The following LRCH3 variants were observed in gnomAD, a reference collection of about 807,000 sequenced individuals.
The protein encoded by LRCH3 is leucine rich repeats and calponin homology domain containing 3.
A neutral mutation model predicts 104.5 loss-of-function variants in LRCH3; 68 were observed. The observed-to-expected ratio is 0.65, with a 90% CI of 0.54 to 0.80. The LOEUF (loss-of-function observed/expected upper bound fraction) is 0.80, where lower values mean the gene tolerates loss of function less well. LRCH3 is among the 30% of genes least tolerant of loss of function. The probability of loss-of-function intolerance (pLI) is 0.00; values close to 1 mark genes in which losing one functional copy is unlikely to be tolerated. For synonymous variants in LRCH3, 344 were observed against 361.3 expected (o/e 0.95, Z 0.54); for missense variants, 951 against 953.9 (o/e 1.00, Z 0.04).
chr3:197,859,452 T>C (rs73892151), intron 15 of LRCH3: 26,699 of 153,154 alleles, frequency 0.17, 3,261 homozygotes, highest in African/African-American at 0.34. Context: ...CTAAAATATG[T>C]ACAGTCTGGC....
At chr3:197,808,190 G>GGA (rs1274736964) in intron 1 of LRCH3, among the ~76,000 whole-genome samples, 1 of 152,168 alleles carries the variant, frequency 6.6e-6, no homozygotes, top group East Asian at 1.9e-4. Flanking sequence ...CCCTGTGAGA[G>GGA]GAGATTAGGA....
intron 1 of LRCH3, among the ~76,000 whole-genome samples, chr3:197,798,234 A>G (rs576769347): frequency 3.6e-4 from 55 of 152,236 alleles, no homozygotes; most frequent in African/African-American, 1.2e-3. Context: ...GCTCTCCAGT[A>G]TGGGCAACAG....
intron 20 of LRCH3, among the ~76,000 whole-genome samples, chr3:197,879,508 T>C (rs4525915): frequency 0.15 from 23,161 of 150,574 alleles, 1,996 homozygotes; most frequent in African/African-American, 0.18. Context: ...TAGCCGGGCG[T>C]GGTGGCGGGC....
At chr3:197,813,093 A>C (rs547309251) in intron 1 of LRCH3, among the ~76,000 whole-genome samples, 1 of 152,244 alleles carries the variant, frequency 6.6e-6, no homozygotes, top group South Asian at 2.1e-4. Flanking sequence ...ATAGTTTTTT[A>C]AATTTCTTTG....
At chr3:197,865,953 G>A (rs940210148) in intron 16 of LRCH3, among the ~76,000 whole-genome samples, 159 bp from the exon 17 acceptor site, 2 of 151,830 alleles carry the variant, frequency 1.3e-5, no homozygotes. Context: ...CGGTCCTCCT[G>A]GTTTCATGAT....
rs1714249610 is a variant in LRCH3 at position 197,886,985 on chromosome 3, T to C, written c.*3319T>C. On this transcript the variant is annotated 3_prime_UTR_variant, in exon 21 of 21. Transcript: ENST00000425562. ...TTATGAAACCTTATTAATGTATTTT[T>C]ATCAAACTAAATCAGATTTGTATTT... is the stretch of plus-strand genomic sequence containing the variant. 1.3e-5 allele frequency: 2 copies of C among 152,194 alleles called. No homozygotes were observed. The highest frequency in any genetic ancestry group is 4.8e-5 in the African/African-American group (2 of 41,448). The allele number at this position is 152,194 out of a possible 1,614,324, so 9.4% of individuals were successfully genotyped here. A position where few individuals can be genotyped will look rare whatever the true frequency, so the allele number is the denominator to read the frequency against.
At position 197,847,877 on chromosome 3, in the gene LRCH3, A is replaced by C. The variant is rs1480923741; in HGVS notation, c.1386A>C (p.Ser462=). The change falls in exon 12 of 21, where the codon TCA becomes TCC. Residue 462 remains serine, a synonymous_variant. Transcript: ENST00000425562. Reference sequence around the variant, plus strand: ...CAATAACGCTTTGGTTCCAGCTGTCACACACAGACCTGGAACTTCATCAGA... The same window carrying C: ...CAATAACGCTTTGGTTCCAGCTGTCCCACACAGACCTGGAACTTCATCAGA... The part of the protein sequence containing the change: ...LSLSASHNQL[S]HTDLELHQRR... 2.5e-6 allele frequency: 4 copies of C among 1,613,978 alleles called. No homozygotes were observed. Among genetic ancestry groups the C allele is most frequent in the Non-Finnish European group, 2.5e-6 (3 of 1,179,942 alleles).
chr3:197,800,963 C>T (rs1040298203), intron 1 of LRCH3, among the ~76,000 whole-genome samples: 12 of 151,792 alleles, frequency 7.9e-5, no homozygotes, highest in East Asian at 7.7e-4. Context: ...GGTGTGGTGG[C>T]GGGCGCCTGT....
At chr3:197,827,048 G>T (rs527657674) in intron 5 of LRCH3, 34 bp downstream of exon 5, 1 of 1,600,122 alleles carries the variant, frequency 6.2e-7, no homozygotes, top group South Asian at 1.1e-5. Flanking sequence ...GTAAACCATG[G>T]TGGAAGCATC....
chr3:197,812,562 A>C (rs1166866320), intron 1 of LRCH3, among the ~76,000 whole-genome samples: 1 of 115,560 alleles, frequency 8.7e-6, no homozygotes, highest in Non-Finnish European at 1.6e-5. Flanking sequence ...CCCAAGCTGG[A>C]GTGTAGTGGC....
At chr3:197,802,252 T>A (rs1317413369) in intron 1 of LRCH3, among the ~76,000 whole-genome samples, 1 of 152,240 alleles carries the variant, frequency 6.6e-6, no homozygotes, top group Non-Finnish European at 1.5e-5. Flanking sequence ...AGATCCTGTA[T>A]TCACAGTTCC....
intron 12 of LRCH3, among the ~76,000 whole-genome samples, chr3:197,852,031 A>G (rs1456732678): frequency 6.6e-6 from 1 of 152,242 alleles, no homozygotes; most frequent in Non-Finnish European, 1.5e-5. Context: ...TATCTCACAC[A>G]GTAGAAGAAT....
At chr3:197,818,129 C>G (rs548245814) in intron 3 of LRCH3, among the ~76,000 whole-genome samples, 1 of 152,034 alleles carries the variant, frequency 6.6e-6, no homozygotes, top group African/African-American at 2.4e-5. Flanking sequence ...CCCTGTTGCC[C>G]TGTATTTTCT....
intron 4 of LRCH3, among the ~76,000 whole-genome samples, chr3:197,821,873 C>T (rs2109224926): frequency 6.6e-6 from 1 of 152,258 alleles, no homozygotes; most frequent in South Asian, 2.1e-4. Flanking sequence ...GGGGTTTTGC[C>T]CTGTTGCCCA....
Position 197,883,378 on chromosome 3 carries a change from C to A in LRCH3, c.2209-163C>A, listed in dbSNP as rs1256594060. ...AGTGACAGTGAGTGTCAGACACCAT[C>A]TCTCTAACTCATATTTACACTGAGG... On this transcript the variant is annotated intron_variant, in intron 20 of 20. Transcript: ENST00000425562. This position sits in a 1 kb window ranked among gnomAD's most constrained non-coding sequence, Gnocchi z 4.2. The A allele has an allele frequency of 1.4e-6, 2 of 1,390,378 alleles. No individual in the cohort carries two copies. The highest frequency in any genetic ancestry group is 1.9e-6 in the Non-Finnish European group (2 of 1,069,698). 86.1% of individuals were successfully genotyped at this position (1,390,378 alleles called of 1,614,324 possible). A position where few individuals can be genotyped will look rare whatever the true frequency, so the allele number is the denominator to read the frequency against.
rs11289326 is a variant in LRCH3, at chr3:197,837,897, TAA to T, written c.1252-1413_1252-1412del. On this transcript the variant is annotated intron_variant, in intron 9 of 20. Coordinates refer to ENST00000425562, the MANE Select transcript of LRCH3 (RefSeq NM_001365715.1). ...CGCTGTCTCTACTAAAAATATATAT[TAA>T]AAAAAAAAAACTTAGCTGGGTGTCA... 3.5e-3 allele frequency among the ~76,000 whole-genome samples: 521 copies of T among 148,034 alleles called. 1 individual carries two copies. The highest frequency in any genetic ancestry group is 9.6e-3 in the African/African-American group (389 of 40,404).
chr3:197,846,362 G>A (rs1198693420), intron 10 of LRCH3, among the ~76,000 whole-genome samples: 3 of 144,492 alleles, frequency 2.1e-5, no homozygotes, highest in African/African-American at 8.1e-5. Context: ...CATGATCACG[G>A]CATTGCACTC....
intron 9 of LRCH3, among the ~76,000 whole-genome samples, chr3:197,837,466 CTG>C (rs1247672115): frequency 6.6e-6 from 1 of 152,110 alleles, no homozygotes; most frequent in Non-Finnish European, 1.5e-5. Context: ...AATTTAGCAT[CTG>C]TGAAAATGTG....
rs1553918367 is a variant in LRCH3 at position 197,827,024 on chromosome 3, A to G, written c.777+10A>G. ...ATCACCTCCTGCACAGGTAAACCAT[A>G]GTGGAAGCATCAGGTAAACCATGGT... On this transcript the variant is annotated intron_variant, in intron 5 of 20. Coordinates refer to ENST00000425562, the MANE Select transcript of LRCH3 (RefSeq NM_001365715.1). 1.9e-6 allele frequency: 3 copies of G among 1,612,032 alleles called. No individual in the cohort carries two copies. The highest frequency in any genetic ancestry group is 2.5e-6 in the Non-Finnish European group (3 of 1,179,254).
Sources: gnomAD v4.1 joint callset for allele counts (sites outside exome capture counted in the v4.1 genomes callset) on GRCh38, gnomAD v4.1.1 for gene constraint, Gnocchi (gnomAD v3.1) non-coding constraint, MANE v1.5 for transcripts, NCBI Gene and HGNC (gene_info 2026-07-23, HGNC 2026-07-21) for gene names.